The following MYPN variants were observed in gnomAD, a reference collection of about 807,000 sequenced individuals.
MYPN encodes sarcomeric protein myopalladin, 145 kDa (MYOP).
A neutral mutation model predicts 129.4 loss-of-function variants in MYPN; 63 were observed. The ratio of observed to expected loss-of-function variants is 0.49; its 90% CI spans 0.40 to 0.60. MYPN has a LOEUF of 0.60. MYPN is among the 20% of genes least tolerant of loss of function. The pLI is 0.00. For missense variants in MYPN, 1,596 were observed against 1,635.4 expected (o/e 0.98, Z 0.42); for synonymous variants, 629 against 600.9 (o/e 1.05, Z -0.68).
intron 1 of MYPN, among the ~76,000 whole-genome samples, chr10:68,110,462 C>T (rs80149416): frequency 0.018 from 2,692 of 152,264 alleles, 33 homozygotes; most frequent in Non-Finnish European, 0.028. Flanking sequence ...CAAAAGTGAA[C>T]ATTACAGTAA....
chr10:68,198,933 A>ACG (rs1042823143), intron 16 of MYPN, among the ~76,000 whole-genome samples: 9 of 150,412 alleles, frequency 6.0e-5, no homozygotes, highest in Non-Finnish European at 1.0e-4. Context: ...CGTGGTACAC[A>ACG]TATACCTATG....
upstream of MYPN, among the ~76,000 whole-genome samples, chr10:68,102,831 C>T (rs953333588): frequency 6.6e-5 from 10 of 152,054 alleles, no homozygotes; most frequent in Admixed American, 1.3e-4. Context: ...TAAATTTATC[C>T]CCATTGTGAA....
intron 2 of MYPN, among the ~76,000 whole-genome samples, chr10:68,122,856 C>A (rs1340959135): frequency 6.6e-6 from 1 of 151,952 alleles, no homozygotes; most frequent in Admixed American, 6.6e-5. Flanking sequence ...GAGCCGAGAT[C>A]GCGCCACTGC....
At chr10:68,101,951 T>G (rs767626534), upstream of MYPN, among the ~76,000 whole-genome samples, 1 of 152,122 alleles carries the variant, frequency 6.6e-6, no homozygotes, top group Non-Finnish European at 1.5e-5. Context: ...ATTTGCATTT[T>G]TCTCCTAACA....
At chr10:68,118,825 C>A (rs1206311664) in intron 1 of MYPN, among the ~76,000 whole-genome samples, 2 of 146,580 alleles carry the variant, frequency 1.4e-5, no homozygotes, top group African/African-American at 5.1e-5. Context: ...GGGAGTGAGA[C>A]CCTGTCAAGA....
chr10:68,197,268 T>C, intron 15 of MYPN, 84 bp from the exon 16 acceptor site: 1 of 1,511,310 alleles, frequency 6.6e-7, no homozygotes, highest in Non-Finnish European at 9.1e-7. Context: ...GTTCTCTAGG[T>C]CTGTAGCCAT....
At chr10:68,116,136 C>A (rs968446038) in intron 1 of MYPN, among the ~76,000 whole-genome samples, 1 of 152,070 alleles carries the variant, frequency 6.6e-6, no homozygotes, top group Non-Finnish European at 1.5e-5. Context: ...CAGTGCCTGG[C>A]ACATAGTAGA....
chr10:68,166,774 A>T, intron 10 of MYPN, 108 bp downstream of exon 10: 1 of 1,454,066 alleles, frequency 6.9e-7, no homozygotes, highest in Non-Finnish European at 9.4e-7. Context: ...CACACCTGTA[A>T]TCCGAGCACT....
chr10:68,211,894 C>T lies in MYPN; in HGVS notation c.*1439C>T, dbSNP rs529169188. 26 of 444,946 alleles carry T rather than the reference C, an allele frequency of 5.8e-5. No individual in the cohort carries two copies. The highest frequency in any genetic ancestry group is 4.4e-4 in the African/African-American group (22 of 49,810). The allele number at this position is 444,946 out of a possible 1,614,324, so 27.6% of individuals were successfully genotyped here. ...GCTGGAATCCCTGGTGCTGTCTGTG[C>T]CAAGCACACTCAGCTGGCATTGTAT... On this transcript the variant is annotated 3_prime_UTR_variant, in exon 20 of 20. Coordinates refer to ENST00000358913, the MANE Select transcript of MYPN (RefSeq NM_032578.4).
chr10:68,163,423 G>A (rs1476195717), intron 8 of MYPN, among the ~76,000 whole-genome samples: 3 of 151,934 alleles, frequency 2.0e-5, no homozygotes, highest in Admixed American at 6.6e-5. Flanking sequence ...TCAGGAGATC[G>A]AGACCATCCT....
At chr10:68,164,031 T>C (rs2043017934) in intron 8 of MYPN, among the ~76,000 whole-genome samples, 1 of 152,098 alleles carries the variant, frequency 6.6e-6, no homozygotes, top group South Asian at 2.1e-4. Flanking sequence ...CCAATCCAAG[T>C]AGAGTAGACA....
intron 1 of MYPN, among the ~76,000 whole-genome samples, chr10:68,116,482 G>C (rs1420384374): frequency 6.6e-6 from 1 of 152,172 alleles, no homozygotes; most frequent in East Asian, 1.9e-4. Flanking sequence ...TTCAAACCCA[G>C]GTTTCTGATT....
chr10:68,183,810 G>A lies in MYPN; in HGVS notation c.2704-5095G>A, dbSNP rs1329953888. Among the ~76,000 whole-genome samples the A allele has an allele frequency of 3.3e-5, 5 of 151,850 alleles. No homozygotes were observed. In the East Asian group the frequency reaches 9.8e-4, roughly 30 times the overall value. On this transcript the variant is annotated intron_variant, in intron 12 of 19. Coordinates refer to ENST00000358913, the MANE Select transcript of MYPN (RefSeq NM_032578.4). ...AAGCCAAAGTGGGAGGATTGCTTGA[G>A]CCCAGTTCAAGACCAGCCTGGGCAA...
At chr10:68,118,560 G>A (rs773976954) in intron 1 of MYPN, among the ~76,000 whole-genome samples, 30 of 152,134 alleles carry the variant, frequency 2.0e-4, no homozygotes, top group Non-Finnish European at 3.5e-4. Context: ...GGCTAGGCAC[G>A]ATGCCTCATG....
At chr10:68,139,404 G>C (rs1040527659) in intron 2 of MYPN, among the ~76,000 whole-genome samples, 1 of 152,060 alleles carries the variant, frequency 6.6e-6, no homozygotes, top group Non-Finnish European at 1.5e-5. Context: ...CACCTTCCGA[G>C]AGTTTTGAAG....
intron 10 of MYPN, among the ~76,000 whole-genome samples, chr10:68,171,625 G>A (rs1299236977): frequency 2.0e-5 from 3 of 152,214 alleles, no homozygotes. Flanking sequence ...CTGAGCAGGT[G>A]CCTAAAGCAG....
chr10:68,168,164 T>G (rs1211841808), intron 10 of MYPN, among the ~76,000 whole-genome samples: 1 of 152,202 alleles, frequency 6.6e-6, no homozygotes, highest in Non-Finnish European at 1.5e-5. Context: ...GTACCACTGT[T>G]AACTAAATCA....
At position 68,211,349 on chromosome 10, in the gene MYPN, T is replaced by C. The variant is rs1364941675; in HGVS notation, c.*894T>C. 2 of 452,034 alleles carry C rather than the reference T, an allele frequency of 4.4e-6. No homozygotes were observed. Among genetic ancestry groups the C allele is most frequent in the Non-Finnish European group, 8.8e-6 (2 of 226,294 alleles). 28.0% of individuals were successfully genotyped at this position (452,034 alleles called of 1,614,324 possible). On this transcript the variant is annotated 3_prime_UTR_variant, in exon 20 of 20. Coordinates refer to ENST00000358913, the MANE Select transcript of MYPN (RefSeq NM_032578.4). ...TACACCTCATGGGCTCCTACCCCTT[T>C]CCCCAAAAGTCTGAAAGTGTAGGAG...
intron 3 of MYPN, among the ~76,000 whole-genome samples, chr10:68,145,160 G>A (rs1190710248): frequency 6.6e-6 from 1 of 151,982 alleles, no homozygotes; most frequent in Non-Finnish European, 1.5e-5. Flanking sequence ...GAGTAGCTGG[G>A]ATTACAGGCA....
Sources: gnomAD v4.1 joint callset for allele counts (sites outside exome capture counted in the v4.1 genomes callset) on GRCh38, gnomAD v4.1.1 for gene constraint, MANE v1.5 for transcripts, NCBI Gene and HGNC (gene_info 2026-07-23, HGNC 2026-07-21) for gene names.